Variants in NRF1 observed in about 807,000 individuals in gnomAD.
NRF1 encodes alpha palindromic-binding protein.
NRF1 carries 5 observed loss-of-function variants against 58.5 expected under a neutral mutation model. The observed-to-expected ratio is 0.09, with a 90% CI of 0.04 to 0.18. NRF1 has a LOEUF of 0.18. Among genes scored for constraint, NRF1 ranks in the 10% least tolerant of loss-of-function variants. The pLI is 1.00. For missense variants in NRF1, 288 were observed against 657.7 expected (o/e 0.44, Z 6.15); for synonymous variants, 224 against 246.7 (o/e 0.91, Z 0.86).
intron 10 of NRF1, among the ~76,000 whole-genome samples, chr7:129,734,089 C>T (rs1413383049): frequency 6.6e-6 from 1 of 152,164 alleles, no homozygotes; most frequent in Non-Finnish European, 1.5e-5. Flanking sequence ...CCTAGGACAT[C>T]AACATACTTC....
Position 129,710,469 on chromosome 7 carries a change from G to C in NRF1, c.861G>C (p.Thr287=), listed in dbSNP as rs762284611. ...DLLYAFEDQQ[T]QTQATATHSI... is the part of the protein sequence containing the mutation. ...TGTATGCCTTTGAAGATCAGCAAACGCAAACACAGGCCACAGCCACACATA... is the reference window on the plus strand; with the variant it reads ...TGTATGCCTTTGAAGATCAGCAAACCCAAACACAGGCCACAGCCACACATA... Residue 287 remains threonine, a synonymous_variant, in exon 7 of 11, where the codon ACG becomes ACC. Transcript: ENST00000393232. 6.2e-7 allele frequency: 1 copy of C among 1,613,232 alleles called. No individual in the cohort carries two copies. Among genetic ancestry groups the C allele is most frequent in the South Asian group, 1.1e-5 (1 of 91,054 alleles).
At chr7:129,638,508 A>G (rs1801219629) in intron 1 of NRF1, among the ~76,000 whole-genome samples, 2 of 152,184 alleles carry the variant, frequency 1.3e-5, no homozygotes, top group South Asian at 2.1e-4. Context: ...AAATGTGGGT[A>G]TGGTAAATTA....
chr7:129,658,470 C>T (rs1220545691), intron 2 of NRF1, among the ~76,000 whole-genome samples: 1 of 151,858 alleles, frequency 6.6e-6, no homozygotes, highest in East Asian at 1.9e-4. Flanking sequence ...CTCCCTAGTC[C>T]CAGCTACTTG....
intron 4 of NRF1, among the ~76,000 whole-genome samples, chr7:129,682,468 A>AAAAAC (rs1037004122): frequency 8.6e-5 from 13 of 151,880 alleles, no homozygotes; most frequent in Non-Finnish European, 1.3e-4. Context: ...AAAGGAAAAA[A>AAAAAC]AAAACAAAAC....
chr7:129,673,075 G>A (rs554233173), intron 3 of NRF1, among the ~76,000 whole-genome samples: 1 of 152,282 alleles, frequency 6.6e-6, no homozygotes, highest in East Asian at 1.9e-4. Context: ...TACAAAAAGT[G>A]TGTCAGGAAG....
intron 3 of NRF1, 68 bp downstream of exon 3, chr7:129,671,611 A>G: frequency 1.2e-6 from 1 of 850,402 alleles, no homozygotes; most frequent in Non-Finnish European, 2.0e-6. Context: ...GACTTAGAAC[A>G]TATGTGATTA....
chr7:129,741,335 T>G lies in NRF1; in HGVS notation c.1349-13683T>G, dbSNP rs1197521267. Among the ~76,000 whole-genome samples the G allele has an allele frequency of 3.3e-5, 5 of 152,304 alleles. No homozygotes were observed. In the South Asian group the frequency reaches 6.2e-4, roughly 19 times the overall value. On this transcript the variant is annotated intron_variant, in intron 10 of 10. Coordinates refer to ENST00000393232, the MANE Select transcript of NRF1 (RefSeq NM_005011.5). This position sits in a 1 kb window ranked among gnomAD's most constrained non-coding sequence, Gnocchi z 4.0. ...TGTCCTCAAGGCCAAGTTACATGCT[T>G]CTTTGTCTCATTCTCCTTCCCTTTA... is the stretch of plus-strand genomic sequence containing the variant.
At chr7:129,708,023 T>G (rs1251181285) in intron 5 of NRF1, among the ~76,000 whole-genome samples, 1 of 152,242 alleles carries the variant, frequency 6.6e-6, no homozygotes, top group Non-Finnish European at 1.5e-5. Flanking sequence ...TTTTCTTGTT[T>G]TACTTTGTAA....
At chr7:129,719,470 GGT>G (rs551926788) in intron 9 of NRF1, among the ~76,000 whole-genome samples, 3 of 147,416 alleles carry the variant, frequency 2.0e-5, no homozygotes, top group Admixed American at 6.8e-5. Context: ...GCCAGAGATT[GGT>G]GGTTGATTAG....
rs1409712607 is a variant in NRF1 at position 129,628,852 on chromosome 7, A to G, written c.-7+17028A>G. 4.6e-5 allele frequency among the ~76,000 whole-genome samples: 7 copies of G among 152,262 alleles called. No homozygotes were observed. The East Asian group carries it at 1.3e-3, about 29-fold the overall frequency. The stretch of plus-strand genomic sequence containing the variant: ...TTGGTTTATCATGCTCTATGAATGG[A>G]TATTTTAACTGATGCATGATTTTGT... On this transcript the variant is annotated intron_variant, in intron 1 of 10. Transcript: ENST00000393232.
chr7:129,619,393 C>CGT lies in NRF1; in HGVS notation c.-7+7572_-7+7573dup, dbSNP rs56014058. On this transcript the variant is annotated intron_variant, in intron 1 of 10. Coordinates refer to ENST00000393232, the MANE Select transcript of NRF1 (RefSeq NM_005011.5). ...TGGGATAAAAACTGGACTTGGCATA[C>CGT]GTGTATATATATATATATATATATA... Among the ~76,000 whole-genome samples, 68 of 42,182 alleles carry CGT rather than the reference C, an allele frequency of 1.6e-3. 1 individual carries two copies. The highest frequency in any genetic ancestry group is 0.013 in the Middle Eastern group (1 of 80). 27.7% of individuals were successfully genotyped at this position (42,182 alleles called of 152,430 possible).
intron 4 of NRF1, among the ~76,000 whole-genome samples, chr7:129,681,175 C>T (rs753841429): frequency 3.9e-5 from 6 of 152,048 alleles, no homozygotes; most frequent in Non-Finnish European, 8.8e-5. Context: ...GGAGGGGGTC[C>T]GGAGCCAGTG....
chr7:129,728,346 C>T (rs961460767), intron 10 of NRF1, among the ~76,000 whole-genome samples: 1 of 151,906 alleles, frequency 6.6e-6, no homozygotes, highest in African/African-American at 2.4e-5. Context: ...TGGCAAAACC[C>T]TGTCCATGGT....
rs1301679729 is a variant in NRF1 at position 129,690,392 on chromosome 7, T to C, written c.466-14T>C. 1 of 1,610,546 alleles carries C rather than the reference T, an allele frequency of 6.2e-7. No individual in the cohort carries two copies. The highest frequency in any genetic ancestry group is 8.5e-7 in the Non-Finnish European group (1 of 1,177,970). On this transcript the variant is annotated splice_polypyrimidine_tract_variant and intron_variant, in intron 4 of 10. Coordinates refer to ENST00000393232, the MANE Select transcript of NRF1 (RefSeq NM_005011.5). ...TTGGGCATCTTGTTTACTTCTGCCC[T>C]TAATTCCCTGCAGGTGCGTAAGTAC...
chr7:129,674,520 A>C (rs371544974), intron 3 of NRF1, among the ~76,000 whole-genome samples: 2 of 152,212 alleles, frequency 1.3e-5, no homozygotes, highest in East Asian at 1.9e-4. Context: ...CTGCAGCCTC[A>C]ATCTCCTGGG....
intron 1 of NRF1, among the ~76,000 whole-genome samples, chr7:129,645,989 A>G (rs1406114558): frequency 6.6e-6 from 1 of 152,144 alleles, no homozygotes; most frequent in Non-Finnish European, 1.5e-5. Flanking sequence ...AGCTGGGACT[A>G]CAGGCGTGTA....
intron 3 of NRF1, among the ~76,000 whole-genome samples, chr7:129,671,937 A>T (rs1180607934): frequency 6.6e-6 from 1 of 152,142 alleles, no homozygotes; most frequent in Non-Finnish European, 1.5e-5. Context: ...GAAAATAGAA[A>T]AGTCAGGAGG....
intron 5 of NRF1, among the ~76,000 whole-genome samples, chr7:129,695,575 C>CA (rs11398545): frequency 0.39 from 48,466 of 123,648 alleles, 8,759 homozygotes; most frequent in Non-Finnish European, 0.46. Flanking sequence ...GACTCGATCT[C>CA]AAAAAAAAAA....
chr7:129,735,194 C>T lies in NRF1; in HGVS notation c.1348+7829C>T, dbSNP rs969678790. 6 of 985,332 alleles carry T rather than the reference C, an allele frequency of 6.1e-6. No individual in the cohort carries two copies. The African/African-American group carries it at 1.0e-4, about 17-fold the overall frequency. The allele number at this position is 985,332 out of a possible 1,614,324, so 61.0% of individuals were successfully genotyped here. A position where few individuals can be genotyped will look rare whatever the true frequency, so the allele number is the denominator to read the frequency against. On this transcript the variant is annotated intron_variant, in intron 10 of 10. Transcript: ENST00000393232. Reference sequence around the variant, plus strand: ...GTTAAGACTAGGGTCTCAACCCTCCCTCCTCATGTTCTGAATGAAGAGAAA... The same window carrying T: ...GTTAAGACTAGGGTCTCAACCCTCCTTCCTCATGTTCTGAATGAAGAGAAA...
Sources: gnomAD v4.1 joint callset for allele counts (sites outside exome capture counted in the v4.1 genomes callset) on GRCh38, gnomAD v4.1.1 for gene constraint, Gnocchi (gnomAD v3.1) non-coding constraint, MANE v1.5 for transcripts, NCBI Gene and HGNC (gene_info 2026-07-23, HGNC 2026-07-21) for gene names.